Variants in CA10 observed in about 807,000 individuals in gnomAD.
The protein encoded by CA10 is carbonic anhydrase-related protein 10.
In CA10, 14 loss-of-function variants were observed where a neutral mutation model predicts 44.2. That is an observed-to-expected ratio of 0.32 (90% CI 0.21 to 0.50). CA10 has a LOEUF of 0.50. Among genes scored for constraint, CA10 ranks in the 20% least tolerant of loss-of-function variants. The pLI, the probability that CA10 is intolerant of heterozygous loss-of-function variation, is 0.99. For synonymous variants in CA10, 159 were observed against 141.6 expected (o/e 1.12, Z -0.87); for missense variants, 350 against 409.7 (o/e 0.85, Z 1.26).
At chr17:51,851,710 T>C (rs1978803447) in intron 3 of CA10, among the ~76,000 whole-genome samples, 1 of 152,194 alleles carries the variant, frequency 6.6e-6, no homozygotes, top group East Asian at 1.9e-4. Flanking sequence ...GATGGGCAAA[T>C]ACATGGTCCT....
chr17:51,936,907 A>G (rs376291290), intron 2 of CA10, among the ~76,000 whole-genome samples: 11 of 152,118 alleles, frequency 7.2e-5, no homozygotes, highest in African/African-American at 2.4e-4. Flanking sequence ...TTTAAATTCT[A>G]TTTCAAAGGC....
chr17:51,987,125 A>C (rs147407578), intron 2 of CA10, among the ~76,000 whole-genome samples: 359 of 152,232 alleles, frequency 2.4e-3, no homozygotes, highest in African/African-American at 8.2e-3. Context: ...TCAATCAATG[A>C]GTGGATAAAG....
At chr17:51,834,025 T>C (rs537293777) in intron 3 of CA10, among the ~76,000 whole-genome samples, 1 of 152,344 alleles carries the variant, frequency 6.6e-6, no homozygotes, top group East Asian at 1.9e-4. Context: ...AACTTTCTTT[T>C]CCTATTTACA....
chr17:51,677,382 CT>C (rs1344064136), intron 4 of CA10, among the ~76,000 whole-genome samples: 2 of 152,038 alleles, frequency 1.3e-5, no homozygotes, highest in African/African-American at 4.8e-5. Context: ...TACCTCCTCC[CT>C]TGTGCTCTTC....
rs535347019 is a variant in CA10, at chr17:51,759,153, A to AT, written c.280-11336dup. ...CCCTCATTGTTGGTTGTCTGGATCA[A>AT]TTTTTTTTTCTTACTTCTTAGTGAG... is the stretch of plus-strand genomic sequence containing the variant. On this transcript the variant is annotated intron_variant, in intron 3 of 8. Coordinates refer to ENST00000451037, the MANE Select transcript of CA10 (RefSeq NM_020178.5). 1.1e-4 allele frequency among the ~76,000 whole-genome samples: 16 copies of AT among 151,394 alleles called. 1 individual carries two copies. The highest frequency in any genetic ancestry group is 2.4e-4 in the African/African-American group (10 of 41,292).
chr17:52,024,718 T>G, intron 2 of CA10, among the ~76,000 whole-genome samples: 1 of 152,098 alleles, frequency 6.6e-6, no homozygotes, highest in Non-Finnish European at 1.5e-5. Context: ...AGCTTCAGAT[T>G]TCTTAAAATG....
At chr17:52,133,409 G>T (rs192877081) in intron 1 of CA10, among the ~76,000 whole-genome samples, 1 of 152,104 alleles carries the variant, frequency 6.6e-6, no homozygotes, top group Non-Finnish European at 1.5e-5. Context: ...TCAGAGATCC[G>T]CAATGCAGAG....
intron 3 of CA10, among the ~76,000 whole-genome samples, chr17:51,765,045 C>T (rs1905323018): frequency 6.6e-6 from 1 of 152,062 alleles, no homozygotes; most frequent in Non-Finnish European, 1.5e-5. Flanking sequence ...CTTTTTATCT[C>T]AGCAGTTGAA....
At chr17:52,036,867 A>C (rs1358887028) in intron 2 of CA10, among the ~76,000 whole-genome samples, 1 of 152,214 alleles carries the variant, frequency 6.6e-6, no homozygotes, top group Non-Finnish European at 1.5e-5. Context: ...GTATCAGAGC[A>C]TGATACATTC....
At chr17:52,114,324 G>T (rs765723336) in intron 1 of CA10, among the ~76,000 whole-genome samples, 1 of 152,106 alleles carries the variant, frequency 6.6e-6, no homozygotes, top group African/African-American at 2.4e-5. Context: ...TATAAACTCC[G>T]TAAGCATAGC....
At chr17:51,734,583 T>A (rs1200246312) in intron 4 of CA10, among the ~76,000 whole-genome samples, 4 of 152,264 alleles carry the variant, frequency 2.6e-5, no homozygotes, top group East Asian at 3.9e-4. Flanking sequence ...TGCTTCAAAC[T>A]CACAAGGAAT....
upstream of CA10, chr17:52,158,729 T>G (rs1989875948): frequency 1.3e-5 from 2 of 152,508 alleles, no homozygotes; most frequent in Admixed American, 1.3e-4. Flanking sequence ...GCAGGGGTCG[T>G]TATTTCCTCG....
chr17:51,638,482 C>T (rs1352880708), intron 6 of CA10, among the ~76,000 whole-genome samples: 1 of 152,246 alleles, frequency 6.6e-6, no homozygotes, highest in Non-Finnish European at 1.5e-5. Context: ...TGGGTCTGCA[C>T]TATGGCCTGT....
At chr17:52,037,993 A>C (rs1598179734) in intron 2 of CA10, among the ~76,000 whole-genome samples, 1 of 151,960 alleles carries the variant, frequency 6.6e-6, no homozygotes, top group South Asian at 2.1e-4. Context: ...CAATTCCTCA[A>C]GGTGAAAAAC....
chr17:52,012,207 C>G (rs1421811493), intron 2 of CA10, among the ~76,000 whole-genome samples: 3 of 152,014 alleles, frequency 2.0e-5, no homozygotes, highest in Admixed American at 6.6e-5. Context: ...AAGATGTTAA[C>G]TTTTGCTGAT....
chr17:51,783,288 T>G (rs1182374773), intron 3 of CA10, among the ~76,000 whole-genome samples: 1 of 152,234 alleles, frequency 6.6e-6, no homozygotes, highest in African/African-American at 2.4e-5. Flanking sequence ...CTTTTACTCA[T>G]TGCTCTATTC....
intron 1 of CA10, among the ~76,000 whole-genome samples, chr17:52,094,341 T>G (rs1193592130): frequency 1.3e-5 from 2 of 151,312 alleles, no homozygotes; most frequent in African/African-American, 2.4e-5. Context: ...GATTATGTCC[T>G]TAAAATTGTG....
chr17:51,781,793 T>A (rs1567837650), intron 3 of CA10, among the ~76,000 whole-genome samples: 1 of 152,238 alleles, frequency 6.6e-6, no homozygotes, highest in Non-Finnish European at 1.5e-5. Context: ...ATGTAACAGT[T>A]TTTGAATTCT....
intron 3 of CA10, among the ~76,000 whole-genome samples, chr17:51,821,298 G>C (rs1217775941): frequency 6.6e-6 from 1 of 151,736 alleles, no homozygotes. Context: ...TAACCACCTT[G>C]AAGTAGGCCA....
Sources: gnomAD v4.1 joint callset for allele counts (sites outside exome capture counted in the v4.1 genomes callset) on GRCh38, gnomAD v4.1.1 for gene constraint, MANE v1.5 for transcripts, NCBI Gene and HGNC (gene_info 2026-07-23, HGNC 2026-07-21) for gene names.